Variants in CD44 observed in about 807,000 individuals in gnomAD.
CD44 encodes CD44 molecule (IN blood group).
In CD44, 49 loss-of-function variants were observed where a neutral mutation model predicts 88.8. That is an observed-to-expected ratio of 0.55 (90% CI 0.44 to 0.70). The LOEUF (loss-of-function observed/expected upper bound fraction) is 0.70, where lower values mean the gene tolerates loss of function less well. Ranked by LOEUF, CD44 falls within the 30% of genes least tolerant of loss-of-function variation. The pLI is 0.00. For synonymous variants in CD44, 325 were observed against 312.3 expected, an observed-to-expected ratio of 1.04 and a Z score of -0.43; for missense variants, 883 against 913.8, an observed-to-expected ratio of 0.97 and a Z score of 0.43.
At chr11:35,156,578 T>C (rs1035989337) in intron 1 of CD44, among the ~76,000 whole-genome samples, 1 of 152,216 alleles carries the variant, frequency 6.6e-6, no homozygotes, top group Non-Finnish European at 1.5e-5. Flanking sequence ...GGCCGGCTGG[T>C]TCCTAATCCA....
Position 35,201,707 on chromosome 11 carries a change from A to T in CD44, c.1073A>T (p.Asn358Ile). Residue 358 changes from asparagine to isoleucine, a missense_variant, in exon 9 of 18, where the codon AAC becomes ATC. Asn to Ile is a moderately radical substitution (Grantham distance 149). This residue lies in a region of CD44 where 631 missense variants were observed against 590.9 expected (regional missense o/e 1.07). Coordinates refer to ENST00000428726, the MANE Select transcript of CD44 (RefSeq NM_000610.4). ...AATGGCACCACTGCTTATGAAGGAAACTGGAACCCAGAAGCACACCCTCCC... is the reference window on the plus strand; with the variant it reads ...AATGGCACCACTGCTTATGAAGGAATCTGGAACCCAGAAGCACACCCTCCC... ...DRNGTTAYEG[N>I]WNPEAHPPLI... The T allele has an allele frequency of 2.5e-6, 4 of 1,613,864 alleles. No homozygotes were observed. Among genetic ancestry groups the T allele is most frequent in the Non-Finnish European group, 3.4e-6 (4 of 1,179,768 alleles).
chr11:35,197,127 A>G, intron 6 of CD44: 1 of 296,464 alleles, frequency 3.4e-6, no homozygotes, highest in Non-Finnish European at 6.3e-6. Flanking sequence ...AAACGGGAAT[A>G]AGTTTTTTTA....
chr11:35,148,449 T>C (rs1042359917), intron 1 of CD44, among the ~76,000 whole-genome samples: 2 of 152,204 alleles, frequency 1.3e-5, no homozygotes, highest in Non-Finnish European at 2.9e-5. Context: ...AAGGAGTTTG[T>C]TTTTGCAGTG....
chr11:35,141,421 G>A (rs2132949475), intron 1 of CD44, among the ~76,000 whole-genome samples: 1 of 152,332 alleles, frequency 6.6e-6, no homozygotes, highest in South Asian at 2.1e-4. Context: ...CAGGATGGGA[G>A]AGAAGAGTCA....
chr11:35,189,263 G>T (rs1024078353), intron 4 of CD44, among the ~76,000 whole-genome samples: 4 of 152,222 alleles, frequency 2.6e-5, no homozygotes, highest in Non-Finnish European at 5.9e-5. Context: ...TTCCTAGCCA[G>T]AAGTGGGTGT....
In CD44 at chr11:35,225,597, A is replaced by C. The variant is rs570718635; in HGVS notation, c.2025-3532A>C. On this transcript the variant is annotated intron_variant, in intron 17 of 17. Coordinates refer to ENST00000428726, the MANE Select transcript of CD44 (RefSeq NM_000610.4). The stretch of plus-strand genomic sequence containing the variant: ...TTTGGGAGGCTGAGGCAGGCAGATC[A>C]TTTGAGGTCAGGAGTTTGAGACCAG... Among the ~76,000 whole-genome samples, 485 of 152,224 alleles carry C rather than the reference A, an allele frequency of 3.2e-3. 5 individuals carry two copies. The highest frequency in any genetic ancestry group is 5.3e-3 in the Non-Finnish European group (359 of 68,006).
intron 17 of CD44, among the ~76,000 whole-genome samples, chr11:35,227,976 T>C (rs1220923032): frequency 3.3e-5 from 5 of 152,226 alleles, no homozygotes; most frequent in East Asian, 1.9e-4. Context: ...GAAAGAGTGT[T>C]GTAAGAATTA....
chr11:35,192,224 G>A (rs1427728974), intron 5 of CD44, among the ~76,000 whole-genome samples: 2 of 152,212 alleles, frequency 1.3e-5, no homozygotes, highest in Non-Finnish European at 2.9e-5. Flanking sequence ...GGGCTAACCT[G>A]AGAGTCACTG....
chr11:35,216,915 T>C (rs1291470936), intron 15 of CD44, among the ~76,000 whole-genome samples: 1 of 152,220 alleles, frequency 6.6e-6, no homozygotes, highest in Admixed American at 6.5e-5. Context: ...CATTAAAATT[T>C]GGAAGCTTAG....
chr11:35,151,893 G>C (rs1860392882), intron 1 of CD44, among the ~76,000 whole-genome samples: 1 of 152,216 alleles, frequency 6.6e-6, no homozygotes, highest in Non-Finnish European at 1.5e-5. Flanking sequence ...CATGAAGTTA[G>C]ATGCTGGGAG....
chr11:35,152,077 T>C (rs569920364), intron 1 of CD44, among the ~76,000 whole-genome samples: 63 of 152,360 alleles, frequency 4.1e-4, no homozygotes, highest in Middle Eastern at 3.4e-3. Context: ...AAGGGTGGTA[T>C]GTGCATGTTA....
intron 17 of CD44, chr11:35,222,281 TTTTG>T: frequency 1.7e-6 from 1 of 572,538 alleles, no homozygotes; most frequent in Middle Eastern, 3.4e-4. Flanking sequence ...GGCCTTGTGC[TTTTG>T]TTTGTCGTTT....
At chr11:35,203,593 C>A (rs1365110744) in intron 9 of CD44, among the ~76,000 whole-genome samples, 1 of 151,858 alleles carries the variant, frequency 6.6e-6, no homozygotes, top group African/African-American at 2.4e-5. Context: ...AATGTCATTA[C>A]TGTCACCAAA....
chr11:35,181,959 T>A (rs1165920602), intron 3 of CD44, among the ~76,000 whole-genome samples: 42 of 68,310 alleles, frequency 6.1e-4, no homozygotes, highest in South Asian at 1.0e-3. Context: ...TATATAAATT[T>A]TATATATATA....
chr11:35,149,576 T>G (rs990237413), intron 1 of CD44, among the ~76,000 whole-genome samples: 3 of 152,270 alleles, frequency 2.0e-5, no homozygotes, highest in African/African-American at 7.2e-5. Flanking sequence ...ATTCACTATG[T>G]GCTGCTAGGC....
chr11:35,219,123 TA>T (rs1040156479), intron 15 of CD44, 192 bp from the exon 16 acceptor site: 2 of 583,682 alleles, frequency 3.4e-6, no homozygotes, highest in African/African-American at 3.7e-5. Flanking sequence ...ATAACATTAC[TA>T]AGCCTTAGCC....
At chr11:35,169,838 A>G (rs1346567199) in intron 1 of CD44, among the ~76,000 whole-genome samples, 1 of 152,182 alleles carries the variant, frequency 6.6e-6, no homozygotes, top group Non-Finnish European at 1.5e-5. Flanking sequence ...CCAGGAGAGA[A>G]TGCATAGTAC....
At chr11:35,201,931 TA>T in intron 9 of CD44, 144 bp downstream of exon 9, 1 of 912,272 alleles carries the variant, frequency 1.1e-6, no homozygotes, top group Non-Finnish European at 1.6e-6. Flanking sequence ...GAAAAGCTGC[TA>T]AACCCGCACA....
intron 16 of CD44, 124 bp downstream of exon 16, chr11:35,219,511 G>T (rs1014467070): frequency 2.8e-6 from 2 of 702,536 alleles, no homozygotes; most frequent in Non-Finnish European, 2.6e-6. Flanking sequence ...GAATCCAATT[G>T]CTCCTCTTTA....
Sources: allele counts gnomAD v4.1 joint callset (sites outside exome capture counted in the v4.1 genomes callset), GRCh38; gene constraint gnomAD v4.1.1; regional missense constraint gnomAD v4.1.1; transcripts MANE v1.5; gene names NCBI Gene and HGNC (gene_info 2026-07-23, HGNC 2026-07-21).